XRRA1: variants seen among roughly 807,000 people sequenced by gnomAD.
XRRA1 encodes X-ray radiation resistance-associated protein 1.
In XRRA1, 69 loss-of-function variants were observed where a neutral mutation model predicts 80.2. That is an observed-to-expected ratio of 0.86 (90% CI 0.71 to 1.05). XRRA1 has a LOEUF of 1.05. Among genes scored for constraint, XRRA1 ranks in the 50% least tolerant of loss-of-function variants. XRRA1 has a pLI of 0.00. For missense variants in XRRA1, 967 were observed against 976.4 expected, an observed-to-expected ratio of 0.99 and a Z score of 0.13; for synonymous variants, 348 against 389.9, an observed-to-expected ratio of 0.89 and a Z score of 1.27.
rs141464589 is a variant in XRRA1, at chr11:74,862,324, A to G, written c.1044+657T>C. On this transcript the variant is annotated intron_variant, in intron 11 of 18. Transcript: ENST00000684022. ...TGAATTGTTATTGGGTTGGTTTGGT[A>G]AGCAGCTATAGTTAACTGATAGAAT... is the stretch of plus-strand genomic sequence containing the variant. 3.5e-3 allele frequency among the ~76,000 whole-genome samples: 526 copies of G among 152,332 alleles called. 4 individuals carry two copies. Among genetic ancestry groups the G allele is most frequent in the African/African-American group, 0.012 (490 of 41,582 alleles).
At chr11:74,936,757 T>A (rs1017883268) in intron 4 of XRRA1, 127 bp downstream of exon 4, 21 of 1,226,328 alleles carry the variant, frequency 1.7e-5, no homozygotes, top group Non-Finnish European at 2.3e-5. Context: ...TGTACTCAAT[T>A]TGCCAATATC....
chr11:74,940,578 A>G (rs1427000587), intron 3 of XRRA1, among the ~76,000 whole-genome samples: 1 of 152,254 alleles, frequency 6.6e-6, no homozygotes, highest in Non-Finnish European at 1.5e-5. Context: ...TAAAGGAGTT[A>G]GCAATGAGAA....
intron 7 of XRRA1, among the ~76,000 whole-genome samples, chr11:74,926,913 C>T (rs760341519): frequency 8.5e-5 from 13 of 152,132 alleles, no homozygotes; most frequent in Admixed American, 1.3e-4. Context: ...TCCCAGCCAC[C>T]GAGACTGATT....
At chr11:74,852,889 T>C (rs538117356) in intron 12 of XRRA1, among the ~76,000 whole-genome samples, 6 of 152,300 alleles carry the variant, frequency 3.9e-5, no homozygotes, top group South Asian at 2.1e-4. Flanking sequence ...CTGAAAGGTA[T>C]TGGGTCAGAT....
chr11:74,928,571 G>C (rs958892664), intron 6 of XRRA1, among the ~76,000 whole-genome samples: 17 of 152,198 alleles, frequency 1.1e-4, no homozygotes, highest in Non-Finnish European at 1.5e-4. Flanking sequence ...ATGCCTCATG[G>C]ATGGCTTTGG....
At chr11:74,875,685 A>G (rs1396360660) in intron 10 of XRRA1, among the ~76,000 whole-genome samples, 1 of 152,122 alleles carries the variant, frequency 6.6e-6, no homozygotes, top group Non-Finnish European at 1.5e-5. Flanking sequence ...CCTGGCCAAC[A>G]TTGCAAAACC....
intron 12 of XRRA1, among the ~76,000 whole-genome samples, chr11:74,855,292 C>G (rs1224778455): frequency 6.6e-6 from 1 of 152,126 alleles, no homozygotes; most frequent in Non-Finnish European, 1.5e-5. Context: ...GGTCAAGAGA[C>G]AATCACTAAA....
At chr11:74,894,250 G>A (rs2051620229) in intron 10 of XRRA1, among the ~76,000 whole-genome samples, 1 of 152,134 alleles carries the variant, frequency 6.6e-6, no homozygotes, top group Non-Finnish European at 1.5e-5. Flanking sequence ...ACAGGCACCA[G>A]GATCTACTTG....
At chr11:74,843,817 TG>T (rs771745949) in intron 18 of XRRA1, 36 bp downstream of exon 18, 66 of 1,565,168 alleles carry the variant, frequency 4.2e-5, no homozygotes, top group Middle Eastern at 1.7e-4. Flanking sequence ...AGGCGTGAAC[TG>T]GATCTGGGAT....
At chr11:74,929,117 C>G (rs1942930572) in intron 6 of XRRA1, among the ~76,000 whole-genome samples, 1 of 152,178 alleles carries the variant, frequency 6.6e-6, no homozygotes, top group African/African-American at 2.4e-5. Flanking sequence ...TCTTTGAAAA[C>G]AATCTTCAAA....
chr11:74,929,882 G>A (rs529904658), intron 6 of XRRA1, among the ~76,000 whole-genome samples: 1 of 152,164 alleles, frequency 6.6e-6, no homozygotes, highest in East Asian at 1.9e-4. Context: ...AGGACTGTAT[G>A]CACTCATTTC....
chr11:74,904,383 CCA>C (rs980183444), intron 10 of XRRA1, among the ~76,000 whole-genome samples: 5 of 151,674 alleles, frequency 3.3e-5, no homozygotes, highest in African/African-American at 1.2e-4. Flanking sequence ...CACTTGAGCC[CCA>C]GAGTTCAACA....
chr11:74,855,764 A>G (rs1292111146), intron 12 of XRRA1, among the ~76,000 whole-genome samples: 1 of 152,226 alleles, frequency 6.6e-6, no homozygotes, highest in African/African-American at 2.4e-5. Flanking sequence ...TTAAAGGCAG[A>G]ATTTATTTTG....
intron 2 of XRRA1, among the ~76,000 whole-genome samples, chr11:74,943,187 C>A (rs1343238110): frequency 6.6e-6 from 1 of 152,212 alleles, no homozygotes; most frequent in Non-Finnish European, 1.5e-5. Context: ...GTCAGAAATT[C>A]TTTAGGGGTG....
At chr11:74,928,177 G>C (rs1003872184) in intron 6 of XRRA1, among the ~76,000 whole-genome samples, 2 of 152,186 alleles carry the variant, frequency 1.3e-5, no homozygotes, top group Non-Finnish European at 2.9e-5. Context: ...TTCTCTCTTT[G>C]AATGAGAACT....
chr11:74,922,015 T>C (rs1393238676), intron 7 of XRRA1, among the ~76,000 whole-genome samples: 1 of 152,102 alleles, frequency 6.6e-6, no homozygotes, highest in African/African-American at 2.4e-5. Flanking sequence ...CCCAGCACTT[T>C]GGGAGGCAGA....
chr11:74,863,018 AC>A lies in XRRA1; in HGVS notation c.1006del (p.Val336LeufsTer29). The A allele has an allele frequency of 6.2e-7, 1 of 1,602,308 alleles. No homozygotes were observed. Among genetic ancestry groups the A allele is most frequent in the Non-Finnish European group, 8.5e-7 (1 of 1,174,334 alleles). On this transcript the variant is annotated frameshift_variant and splice_region_variant, in exon 11 of 19. Coordinates refer to ENST00000684022, the MANE Select transcript of XRRA1 (RefSeq NM_001378157.1). LOFTEE classifies it high-confidence loss of function. ...PMKKDVDRTE[V>X]VFSSYPGFST... Reference sequence around the variant, plus strand: ...AAATCCAGGGTAAGATGAAAACACAACCTCTGAAACAGAAGAGAAACAGAAT... The same window carrying A: ...AAATCCAGGGTAAGATGAAAACACAACTCTGAAACAGAAGAGAAACAGAAT...
rs1286306272 is a variant in XRRA1, at chr11:74,930,332, T to C, written c.392A>G (p.Tyr131Cys). ...NDFKHFHSVI[Y>C]INASENLLPL... Reference sequence around the variant, plus strand: ...CAGCAGGTTTTCTGAGGCATTGATATAAATCACAGAATGAAAATGCTTGAA... The same window carrying C: ...CAGCAGGTTTTCTGAGGCATTGATACAAATCACAGAATGAAAATGCTTGAA... Residue 131 changes from tyrosine (Y) to cysteine (C), a missense_variant, in exon 6 of 19, where the codon TAT (tyrosine) becomes TGT (cysteine). By Grantham distance (194) the Tyr-to-Cys change is radical. Transcript: ENST00000684022. 1.5e-5 allele frequency: 24 copies of C among 1,569,948 alleles called. No individual in the cohort carries two copies. Among genetic ancestry groups the C allele is most frequent in the East Asian group, 4.6e-5 (2 of 43,156 alleles).
chr11:74,876,004 A>G (rs1157303895), intron 10 of XRRA1, among the ~76,000 whole-genome samples: 1 of 152,220 alleles, frequency 6.6e-6, no homozygotes, highest in East Asian at 1.9e-4. Flanking sequence ...ACATCCTGGT[A>G]TGGGTAGATA....
Sources: gnomAD v4.1 joint callset for allele counts (sites outside exome capture counted in the v4.1 genomes callset) on GRCh38, gnomAD v4.1.1 for gene constraint, MANE v1.5 for transcripts, NCBI Gene and HGNC (gene_info 2026-07-23, HGNC 2026-07-21) for gene names.